FMN1: variants seen among roughly 807,000 people sequenced by gnomAD.
FMN1 encodes formin-1.
FMN1 carries 110 observed loss-of-function variants against 132.4 expected under a neutral mutation model. The observed-to-expected ratio is 0.83, with a 90% CI of 0.71 to 0.97. FMN1 has a LOEUF of 0.97. Ranked by LOEUF, FMN1 falls within the 50% of genes least tolerant of loss-of-function variation. The probability of loss-of-function intolerance (pLI) is 0.00; values close to 1 mark genes in which losing one functional copy is unlikely to be tolerated. For synonymous variants in FMN1, 722 were observed against 651.7 expected (o/e 1.11, Z -1.64); for missense variants, 1,792 against 1,705.3 (o/e 1.05, Z -0.90).
intron 17 of FMN1, among the ~76,000 whole-genome samples, chr15:32,821,522 G>T (rs987902917): frequency 7.3e-6 from 1 of 136,948 alleles, no homozygotes; most frequent in Non-Finnish European, 1.5e-5. Context: ...GCACAATCTC[G>T]GCTCACTGCA....
chr15:32,896,742 T>C (rs537448173), intron 15 of FMN1, among the ~76,000 whole-genome samples: 5 of 152,326 alleles, frequency 3.3e-5, no homozygotes, highest in African/African-American at 1.2e-4. Context: ...TACGACAGAA[T>C]TTATTTCTTC....
chr15:33,117,582 G>A (rs914771354), intron 4 of FMN1, among the ~76,000 whole-genome samples: 2 of 152,120 alleles, frequency 1.3e-5, no homozygotes, highest in Non-Finnish European at 2.9e-5. Context: ...ATAAACTTAC[G>A]GAGTCCACTT....
At chr15:32,885,803 C>G (rs983021495) in intron 16 of FMN1, among the ~76,000 whole-genome samples, 6 of 147,084 alleles carry the variant, frequency 4.1e-5, no homozygotes, top group African/African-American at 1.6e-4. Context: ...TGTGTTAATA[C>G]TATTTTTTTT....
chr15:33,035,053 A>C (rs533487692), intron 6 of FMN1, among the ~76,000 whole-genome samples: 2 of 152,382 alleles, frequency 1.3e-5, no homozygotes, highest in South Asian at 4.1e-4. Flanking sequence ...AACGTGTTTT[A>C]AATTTACAAA....
intron 10 of FMN1, among the ~76,000 whole-genome samples, chr15:32,913,003 C>G (rs1410110161): frequency 6.6e-6 from 1 of 152,136 alleles, no homozygotes; most frequent in African/African-American, 2.4e-5. Context: ...AATGCCTTAT[C>G]CCCTTTAACA....
chr15:33,050,618 T>A (rs2036923898), intron 6 of FMN1, among the ~76,000 whole-genome samples: 2 of 152,230 alleles, frequency 1.3e-5, no homozygotes, highest in South Asian at 4.1e-4. Flanking sequence ...GCTGGTGAAG[T>A]ATGAGTAATG....
intron 17 of FMN1, among the ~76,000 whole-genome samples, chr15:32,847,985 A>G (rs1195614320): frequency 1.3e-5 from 2 of 152,212 alleles, no homozygotes; most frequent in Non-Finnish European, 2.9e-5. Flanking sequence ...GATTAGGTTT[A>G]AAGGATGGTC....
intron 10 of FMN1, among the ~76,000 whole-genome samples, chr15:32,917,400 G>A (rs1046207078): frequency 3.3e-5 from 5 of 152,198 alleles, no homozygotes; most frequent in African/African-American, 9.6e-5. Flanking sequence ...CAAATGAGAC[G>A]CTTAAGGGCA....
chr15:33,002,447 G>A (rs745351969), intron 7 of FMN1, among the ~76,000 whole-genome samples: 1 of 152,194 alleles, frequency 6.6e-6, no homozygotes, highest in Non-Finnish European at 1.5e-5. Context: ...CACAAGTACA[G>A]CTAGGGTGGG....
intron 10 of FMN1, among the ~76,000 whole-genome samples, chr15:32,911,087 T>C (rs1447883112): frequency 6.6e-6 from 1 of 152,182 alleles, no homozygotes; most frequent in Non-Finnish European, 1.5e-5. Flanking sequence ...TATGGAAACC[T>C]CCCATGAGCC....
At chr15:33,127,455 G>A (rs77425315) in intron 4 of FMN1, among the ~76,000 whole-genome samples, 2,322 of 152,250 alleles carry the variant, frequency 0.015, 61 homozygotes, top group African/African-American at 0.054. Context: ...ACATCTAACT[G>A]TAAATAAAAC....
At position 32,770,198 on chromosome 15, in the gene FMN1, T is replaced by C. The variant is rs1476701991; in HGVS notation, c.*4112A>G. On this transcript the variant is annotated 3_prime_UTR_variant, in exon 21 of 21. Transcript: ENST00000616417. ...GGGAATGAAGAGGTTCCCCGGTCAA[T>C]GTTACAGCCTGGTTCCTGGAAAAAG... 1 of 152,148 alleles carries C rather than the reference T, an allele frequency of 6.6e-6. No homozygotes were observed. The allele number at this position is 152,148 out of a possible 1,614,324, so 9.4% of individuals were successfully genotyped here.
chr15:33,179,539 C>G lies in FMN1; in HGVS notation c.-132+659G>C, dbSNP rs150862607. ...AATTTAAAATAGTGCCTACGGCCACCGTCACTGTTGAGTCCCTTTCCCTGA... is the reference window on the plus strand; with the variant it reads ...AATTTAAAATAGTGCCTACGGCCACGGTCACTGTTGAGTCCCTTTCCCTGA... On this transcript the variant is annotated intron_variant, in intron 3 of 20. Transcript: ENST00000616417. Among the ~76,000 whole-genome samples, 544 of 152,284 alleles carry G rather than the reference C, an allele frequency of 3.6e-3. 1 individual carries two copies. The highest frequency in any genetic ancestry group is 0.01 in the African/African-American group (427 of 41,570).
At chr15:33,042,321 T>C (rs1446661156) in intron 6 of FMN1, among the ~76,000 whole-genome samples, 1 of 152,192 alleles carries the variant, frequency 6.6e-6, no homozygotes, top group South Asian at 2.1e-4. Flanking sequence ...CTTATATTGA[T>C]CTATAAATTT....
chr15:33,075,303 A>G (rs2038165379), intron 5 of FMN1, among the ~76,000 whole-genome samples: 2 of 152,282 alleles, frequency 1.3e-5, no homozygotes, highest in South Asian at 2.1e-4. Flanking sequence ...CATCTAACAG[A>G]TGTTTTTAGC....
chr15:33,020,690 T>TG (rs374628446), intron 6 of FMN1, among the ~76,000 whole-genome samples: 2 of 151,390 alleles, frequency 1.3e-5, no homozygotes, highest in Non-Finnish European at 2.9e-5. Flanking sequence ...TTCATGCATG[T>TG]GCTCAGTGTC....
At position 32,825,821 on chromosome 15, in the gene FMN1, G is replaced by A. The variant is rs555052850; in HGVS notation, c.3929-21489C>T. 3.3e-5 allele frequency among the ~76,000 whole-genome samples: 5 copies of A among 152,222 alleles called. No individual in the cohort carries two copies. In the South Asian group the frequency reaches 1.0e-3, roughly 32 times the overall value. On this transcript the variant is annotated intron_variant, in intron 17 of 20. Transcript: ENST00000616417. The stretch of plus-strand genomic sequence containing the variant: ...CTACGTTGTGAGATCTTTAAGCCGG[G>A]AGACCGTCTCTTATCTTTGCTCGGC...
chr15:33,184,502 C>CTT (rs201097859), intron 2 of FMN1, among the ~76,000 whole-genome samples: 6 of 138,660 alleles, frequency 4.3e-5, no homozygotes, highest in South Asian at 2.3e-4. Context: ...TTTTTTTTTT[C>CTT]TTTTTTTTTT....
chr15:32,819,054 T>A (rs997583115), intron 17 of FMN1, among the ~76,000 whole-genome samples: 2 of 152,184 alleles, frequency 1.3e-5, no homozygotes, highest in Non-Finnish European at 2.9e-5. Flanking sequence ...TCCTTGTGAT[T>A]GCACTTCAGG....
Sources: allele counts gnomAD v4.1 joint callset (sites outside exome capture counted in the v4.1 genomes callset), GRCh38; gene constraint gnomAD v4.1.1; transcripts MANE v1.5; gene names NCBI Gene and HGNC (gene_info 2026-07-23, HGNC 2026-07-21).